Variants in TRIM2 observed in about 807,000 individuals in gnomAD.
The protein encoded by TRIM2 is tripartite motif-containing protein 2.
Under a neutral mutation model 75.2 loss-of-function variants are expected in TRIM2, and 20 were observed. The ratio of observed to expected loss-of-function variants is 0.27; its 90% confidence interval spans 0.19 to 0.39. The LOEUF is 0.39. Ranked by LOEUF, TRIM2 falls within the 10% of genes least tolerant of loss-of-function variation. TRIM2 has a pLI of 1.00. For missense variants in TRIM2, 660 were observed against 990.8 expected (o/e 0.67, Z 4.48); for synonymous variants, 373 against 388.3 (o/e 0.96, Z 0.46).
At chr4:153,291,193 G>A (rs1761777698) in intron 3 of TRIM2, among the ~76,000 whole-genome samples, 1 of 152,104 alleles carries the variant, frequency 6.6e-6, no homozygotes, top group East Asian at 1.9e-4. Context: ...ACCAGAAAAG[G>A]TTTTTTCCAA....
At chr4:153,218,979 A>T (rs1739239467) in intron 1 of TRIM2, among the ~76,000 whole-genome samples, 2 of 104,180 alleles carry the variant, frequency 1.9e-5, no homozygotes, top group South Asian at 4.1e-4. Context: ...ATTACAGATG[A>T]TTGTCCTTGT....
At chr4:153,293,212 G>A in intron 4 of TRIM2, 79 bp downstream of exon 4, 1 of 1,398,516 alleles carries the variant, frequency 7.2e-7, no homozygotes, top group Non-Finnish European at 9.6e-7. Flanking sequence ...CTAGGTACAA[G>A]AGTAGGTTCA....
At chr4:153,183,050 AAATG>A (rs746418419) in intron 1 of TRIM2, among the ~76,000 whole-genome samples, 3 of 152,214 alleles carry the variant, frequency 2.0e-5, no homozygotes, top group East Asian at 1.9e-4. Flanking sequence ...AAGAATGAAT[AAATG>A]AATGAATGAA....
Position 153,276,005 on chromosome 4 carries a change from A to G in TRIM2, c.328A>G (p.Ile110Val), listed in dbSNP as rs1435917917. 6.2e-7 allele frequency: 1 copy of G among 1,614,196 alleles called. No homozygotes were observed. The highest frequency in any genetic ancestry group is 1.7e-5 in the Admixed American group (1 of 60,014). The part of the protein sequence containing the change: ...GVAALQNNFF[I>V]TNLMDVLQRT... Reference sequence around the variant, plus strand: ...GGCCGCGCTCCAGAACAATTTCTTCATCACAAACCTGATGGACGTGCTGCA... The same window carrying G: ...GGCCGCGCTCCAGAACAATTTCTTCGTCACAAACCTGATGGACGTGCTGCA... The change falls in exon 3 of 12, where the codon ATC becomes GTC. Residue 110 changes from isoleucine (I) to valine (V), a missense_variant. By Grantham distance (29) the Ile-to-Val change is conservative. Transcript: ENST00000338700.
intron 3 of TRIM2, among the ~76,000 whole-genome samples, chr4:153,286,763 G>A (rs950920768): frequency 2.0e-4 from 8 of 39,842 alleles, no homozygotes; most frequent in South Asian, 8.5e-4. Flanking sequence ...CCACCACCCC[G>A]CACCCCCCCA....
chr4:153,316,618 G>T (rs1431933576), intron 8 of TRIM2, among the ~76,000 whole-genome samples: 1 of 152,090 alleles, frequency 6.6e-6, no homozygotes, highest in Non-Finnish European at 1.5e-5. Flanking sequence ...AAATGGAAGT[G>T]GAGCTACACT....
intron 9 of TRIM2, among the ~76,000 whole-genome samples, chr4:153,323,130 G>A (rs750217329): frequency 6.6e-6 from 1 of 152,108 alleles, no homozygotes; most frequent in African/African-American, 2.4e-5. Flanking sequence ...GAAAAACAAG[G>A]AATAACTACT....
At chr4:153,158,139 C>T (rs1729410501) in intron 1 of TRIM2, among the ~76,000 whole-genome samples, 1 of 152,204 alleles carries the variant, frequency 6.6e-6, no homozygotes, top group African/African-American at 2.4e-5. Flanking sequence ...GGAAGATCTA[C>T]TTAAGTGTGT....
At chr4:153,186,116 C>A (rs541554315) in intron 1 of TRIM2, among the ~76,000 whole-genome samples, 9 of 152,260 alleles carry the variant, frequency 5.9e-5, no homozygotes, top group Middle Eastern at 3.4e-3. Context: ...ACACATCCTG[C>A]AATGCACAGC....
upstream of TRIM2, chr4:153,152,431 C>CACATATATATATATATATAT (rs1728821859): frequency 3.2e-5 from 1 of 31,318 alleles, no homozygotes; most frequent in Admixed American, 3.9e-4. Flanking sequence ...TATATATATA[C>CACATATATATATATATATAT]ACACATATAT....
intron 2 of TRIM2, among the ~76,000 whole-genome samples, chr4:153,271,897 G>A (rs1421855404): frequency 6.6e-6 from 1 of 152,150 alleles, no homozygotes; most frequent in Non-Finnish European, 1.5e-5. Context: ...CCATATCCCA[G>A]TATTCAGTGT....
At chr4:153,256,907 C>A (rs989239778) in intron 1 of TRIM2, among the ~76,000 whole-genome samples, 5 of 151,844 alleles carry the variant, frequency 3.3e-5, no homozygotes, top group African/African-American at 9.7e-5. Flanking sequence ...TGGAACTGGA[C>A]TGTTTGTTTG....
chr4:153,295,287 T>C lies in TRIM2; in HGVS notation c.787-26T>C. ...CTAGGCCCCGCCCTGTGGGACGAGC[T>C]CACCAGGCCTCCGGTTTTCCCGCAG... On this transcript the variant is annotated intron_variant, in intron 5 of 11. Coordinates refer to ENST00000338700, the MANE Select transcript of TRIM2 (RefSeq NM_015271.5). This position sits in a 1 kb window ranked among gnomAD's most constrained non-coding sequence, Gnocchi z 7.2. The C allele has an allele frequency of 6.5e-7, 1 of 1,547,134 alleles. No homozygotes were observed. The highest frequency in any genetic ancestry group is 8.7e-7 in the Non-Finnish European group (1 of 1,147,292).
intron 8 of TRIM2, among the ~76,000 whole-genome samples, chr4:153,317,690 T>C (rs1369612086): frequency 6.7e-6 from 1 of 149,628 alleles, no homozygotes; most frequent in Admixed American, 6.7e-5. Context: ...TGCCTGGGCA[T>C]GGTGGCTCAT....
At chr4:153,305,546 G>A (rs900912661) in intron 6 of TRIM2, among the ~76,000 whole-genome samples, 2 of 152,354 alleles carry the variant, frequency 1.3e-5, no homozygotes, top group African/African-American at 4.8e-5. Context: ...TGGTTCTGGA[G>A]GCTGTGAAGT....
At chr4:153,152,416 A>ATATGTG (rs1303254022), upstream of TRIM2, 1 of 145,956 alleles carries the variant, frequency 6.9e-6, no homozygotes, top group African/African-American at 2.5e-5. Flanking sequence ...GTGTATATAT[A>ATATGTG]TATATATATA....
At chr4:153,235,244 C>G (rs114473923) in intron 1 of TRIM2, among the ~76,000 whole-genome samples, 335 of 152,108 alleles carry the variant, frequency 2.2e-3, no homozygotes, top group African/African-American at 6.6e-3. Context: ...GTTTGTTCCT[C>G]TGTAAAATGG....
upstream of TRIM2, among the ~76,000 whole-genome samples, chr4:153,200,726 T>A (rs11942110): frequency 0.27 from 31,887 of 118,530 alleles, 3,808 homozygotes; most frequent in South Asian, 0.38. Context: ...GAAAAAAAAA[T>A]ATATATATAT....
At chr4:153,317,414 C>T (rs958723497) in intron 8 of TRIM2, among the ~76,000 whole-genome samples, 23 of 145,466 alleles carry the variant, frequency 1.6e-4, no homozygotes, top group Non-Finnish European at 2.7e-4. Flanking sequence ...TTTGGGAGGC[C>T]GAGGCGGGCG....
Sources: allele counts gnomAD v4.1 joint callset (sites outside exome capture counted in the v4.1 genomes callset), GRCh38; gene constraint gnomAD v4.1.1; non-coding constraint Gnocchi (gnomAD v3.1); transcripts MANE v1.5; gene names NCBI Gene and HGNC (gene_info 2026-07-23, HGNC 2026-07-21).